Variants in MLPH observed in about 807,000 individuals in gnomAD.
The protein encoded by MLPH is exophilin-3.
Under a neutral mutation model 72.1 loss-of-function variants are expected in MLPH, and 51 were observed. That is an observed-to-expected ratio of 0.71 (90% CI 0.56 to 0.89). The LOEUF is 0.89. Ranked by LOEUF, MLPH falls within the 40% of genes least tolerant of loss-of-function variation. MLPH has a pLI of 0.00. For synonymous variants in MLPH, 301 were observed against 310.1 expected (o/e 0.97, Z 0.31); for missense variants, 743 against 759.9 (o/e 0.98, Z 0.26).
At chr2:237,535,000 C>T (rs2080502549) in intron 9 of MLPH, among the ~76,000 whole-genome samples, 1 of 152,226 alleles carries the variant, frequency 6.6e-6, no homozygotes, top group East Asian at 1.9e-4. Context: ...GTGGAATCTC[C>T]TTCCGCACCA....
intron 4 of MLPH, among the ~76,000 whole-genome samples, chr2:237,517,348 CGGAT>C (rs376877261): frequency 1.3e-3 from 186 of 138,362 alleles, no homozygotes; most frequent in African/African-American, 4.4e-3. Flanking sequence ...GGTGGATGGG[CGGAT>C]AGATAGGTAG....
intron 9 of MLPH, 102 bp from the exon 10 acceptor site, chr2:237,540,246 C>A: frequency 7.5e-7 from 1 of 1,328,988 alleles, no homozygotes; most frequent in African/African-American, 1.5e-5. Flanking sequence ...TCAGCAGGAA[C>A]CCCAGGTGTG....
At chr2:237,489,244 C>T (rs997170679) in intron 1 of MLPH, among the ~76,000 whole-genome samples, 1 of 152,236 alleles carries the variant, frequency 6.6e-6, no homozygotes, top group Non-Finnish European at 1.5e-5. Context: ...AAATGCAGAA[C>T]TCATGTCCAT....
At chr2:237,520,132 G>T in intron 6 of MLPH, 103 bp downstream of exon 6, 1 of 1,505,664 alleles carries the variant, frequency 6.6e-7, no homozygotes, top group South Asian at 1.1e-5. Context: ...GTGTCTGATG[G>T]CCACACAGTC....
rs1306732841 is a variant in MLPH at position 237,545,597 on chromosome 2, G to A, written c.1540-1009G>A. 6 of 1,287,370 alleles carry A rather than the reference G, an allele frequency of 4.7e-6. No individual in the cohort carries two copies. In the Admixed American group the frequency reaches 1.1e-4, roughly 25 times the overall value. The allele number at this position is 1,287,370 out of a possible 1,614,324, so 79.7% of individuals were successfully genotyped here. A position where few individuals can be genotyped will look rare whatever the true frequency, so the allele number is the denominator to read the frequency against. On this transcript the variant is annotated intron_variant, in intron 12 of 15. Coordinates refer to ENST00000264605, the MANE Select transcript of MLPH (RefSeq NM_024101.7). The stretch of plus-strand genomic sequence containing the variant: ...AGTCCGCCGCCACGTGAAGATGGAT[G>A]TGACTAGAACGGAGGGCGCGGGAGG...
Position 237,518,613 on chromosome 2 carries a change from G to GAGGCCC in MLPH, c.535_540dup (p.Ala179_Gln180dup), listed in dbSNP as rs767248757. The stretch of plus-strand genomic sequence containing the variant: ...AGATGAGGATGGAGAACCTGGCTCA[G>GAGGCCC]AGGCCCAGGCCCAGGCCCAGCCCTT... On this transcript the variant is annotated inframe_insertion, in exon 5 of 16. Coordinates refer to ENST00000264605, the MANE Select transcript of MLPH (RefSeq NM_024101.7). 62 of 1,613,510 alleles carry GAGGCCC rather than the reference G, an allele frequency of 3.8e-5. No individual in the cohort carries two copies. In the African/African-American group the frequency reaches 4.5e-4, roughly 12 times the overall value.
At position 237,510,934 on chromosome 2, in the gene MLPH, GCAGGCC is replaced by G; in HGVS notation, c.333-54_333-49del. The G allele has an allele frequency of 4.0e-6, 6 of 1,513,678 alleles. No homozygotes were observed. Among genetic ancestry groups the G allele is most frequent in the South Asian group, 1.1e-5 (1 of 88,396 alleles). 93.8% of individuals were successfully genotyped at this position (1,513,678 alleles called of 1,614,324 possible). A position where few individuals can be genotyped will look rare whatever the true frequency, so the allele number is the denominator to read the frequency against. On this transcript the variant is annotated intron_variant, in intron 3 of 15. Coordinates refer to ENST00000264605, the MANE Select transcript of MLPH (RefSeq NM_024101.7). The surrounding 1 kb of genome is among the most constrained non-coding windows in gnomAD (Gnocchi z 4.4). The stretch of plus-strand genomic sequence containing the variant: ...GTGTGTGTGTGTGTGTGAGATTTAT[GCAGGCC>G]TGTGTACAGCACTCAGGCAGTGCCA...
chr2:237,549,077 C>A, intron 13 of MLPH, 144 bp from the exon 14 acceptor site: 1 of 725,598 alleles, frequency 1.4e-6, no homozygotes, highest in Non-Finnish European at 2.5e-6. Flanking sequence ...TCTCATATTG[C>A]TAAAAGTTCA....
At position 237,505,083 on chromosome 2, in the gene MLPH, G is replaced by A. The variant is rs1009372557; in HGVS notation, c.111-5491G>A. Among the ~76,000 whole-genome samples, 1 of 152,142 alleles carries A rather than the reference G, an allele frequency of 6.6e-6. No homozygotes were observed. The highest frequency in any genetic ancestry group is 1.5e-5 in the Non-Finnish European group (1 of 68,028). On this transcript the variant is annotated intron_variant, in intron 2 of 15. Transcript: ENST00000264605. This position sits in a 1 kb window ranked among gnomAD's most constrained non-coding sequence, Gnocchi z 4.5. The stretch of plus-strand genomic sequence containing the variant: ...CTCCCCAACCCATGCTTTTGGCCAG[G>A]CCAGCAGCTGGGCCTTGGGAGAAAG...
intron 14 of MLPH, among the ~76,000 whole-genome samples, chr2:237,550,829 G>C (rs1206843926): frequency 6.6e-6 from 1 of 152,148 alleles, no homozygotes; most frequent in Non-Finnish European, 1.5e-5. Context: ...GATTACAGGC[G>C]TGAGCCACCG....
At chr2:237,527,810 G>A in intron 8 of MLPH, 1 of 453,028 alleles carries the variant, frequency 2.2e-6, no homozygotes, top group South Asian at 2.2e-5. Context: ...GACAGGGACT[G>A]AAAAAGATAT....
At chr2:237,497,225 A>G (rs1275605825) in intron 2 of MLPH, among the ~76,000 whole-genome samples, 2 of 152,194 alleles carry the variant, frequency 1.3e-5, no homozygotes, top group African/African-American at 4.8e-5. Flanking sequence ...TTACCTGCCA[A>G]TCACCTCCTG....
At position 237,524,127 on chromosome 2, in the gene MLPH, GGCT is replaced by G. The variant is rs556034115; in HGVS notation, c.676-1472_676-1470del. Among the ~76,000 whole-genome samples the G allele has an allele frequency of 1.2e-3, 184 of 151,802 alleles. 2 individuals are homozygous for G. In the South Asian group the frequency reaches 0.037, roughly 31 times the overall value. On this transcript the variant is annotated intron_variant, in intron 6 of 15. Transcript: ENST00000264605. ...ATTGGGTCAAATCCTCATTGACAGG[GGCT>G]GGATTTTTCTATATAAATATTAAGT...
At chr2:237,528,367 T>C (rs1291656620) in intron 8 of MLPH, among the ~76,000 whole-genome samples, 1 of 152,056 alleles carries the variant, frequency 6.6e-6, no homozygotes, top group Non-Finnish European at 1.5e-5. Context: ...TAATTTTTTT[T>C]TGAGATGGAG....
intron 14 of MLPH, among the ~76,000 whole-genome samples, chr2:237,549,683 C>T (rs7591983): frequency 0.16 from 24,030 of 152,102 alleles, 2,849 homozygotes; most frequent in African/African-American, 0.34. Flanking sequence ...CTCCCCAGCA[C>T]GTGGCCGGGC....
chr2:237,524,074 T>TGG (rs2080247748), intron 6 of MLPH, among the ~76,000 whole-genome samples: 4 of 152,132 alleles, frequency 2.6e-5, no homozygotes, highest in African/African-American at 9.7e-5. Flanking sequence ...GGTAGAATTT[T>TGG]ATGGAAAAGG....
At chr2:237,502,705 T>G (rs910031687) in intron 2 of MLPH, among the ~76,000 whole-genome samples, 1 of 152,172 alleles carries the variant, frequency 6.6e-6, no homozygotes, top group Non-Finnish European at 1.5e-5. Context: ...CAACCTGCCC[T>G]GGAAAGGCAA....
rs183067946 is a variant in MLPH, at chr2:237,519,846, G to A, written c.556-64G>A. ...GAGTGTGGGGTTGGGGAGGTGCAGG[G>A]TATTTGGTCCTCTCCCTCAAGCTAG... is the stretch of plus-strand genomic sequence containing the variant. On this transcript the variant is annotated intron_variant, in intron 5 of 15. Transcript: ENST00000264605. 6,089 of 1,610,968 alleles carry A rather than the reference G, an allele frequency of 3.8e-3. 23 individuals carry two copies. The highest frequency in any genetic ancestry group is 8.3e-3 in the Middle Eastern group (50 of 6,048).
chr2:237,549,372 T>C, intron 14 of MLPH, 94 bp downstream of exon 14: 1 of 1,176,094 alleles, frequency 8.5e-7, no homozygotes, highest in Non-Finnish European at 1.3e-6. Context: ...TTCTTCATTA[T>C]CTGTGGGACA....
Sources: allele counts gnomAD v4.1 joint callset (sites outside exome capture counted in the v4.1 genomes callset), GRCh38; gene constraint gnomAD v4.1.1; non-coding constraint Gnocchi (gnomAD v3.1); transcripts MANE v1.5; gene names NCBI Gene and HGNC (gene_info 2026-07-23, HGNC 2026-07-21).